The following NECTIN2 variants were observed in gnomAD, a reference collection of about 807,000 sequenced individuals.
NECTIN2 encodes the protein nectin cell adhesion molecule 2.
NECTIN2 carries 23 observed loss-of-function variants against 56.9 expected under a neutral mutation model. The ratio of observed to expected loss-of-function variants is 0.40; its 90% CI spans 0.29 to 0.57. The LOEUF is 0.57. Ranked by LOEUF, NECTIN2 falls within the 20% of genes least tolerant of loss-of-function variation. The probability of loss-of-function intolerance (pLI) is 0.38; values close to 1 mark genes in which losing one functional copy is unlikely to be tolerated. For missense variants in NECTIN2, 587 were observed against 718.3 expected, an observed-to-expected ratio of 0.82 and a Z score of 2.09; for synonymous variants, 302 against 313.8, an observed-to-expected ratio of 0.96 and a Z score of 0.40.
chr19:44,859,811 C>G (rs1482109004), intron 1 of NECTIN2, among the ~76,000 whole-genome samples: 1 of 142,630 alleles, frequency 7.0e-6, no homozygotes, highest in Admixed American at 7.2e-5. Flanking sequence ...GGTGACAGAG[C>G]AAGACTCCGT....
At position 44,874,114 on chromosome 19, in the gene NECTIN2, G is replaced by C. The variant is rs577332499; in HGVS notation, c.893+81G>C. On this transcript the variant is annotated intron_variant, in intron 4 of 8. Transcript: ENST00000252483. This position sits in a 1 kb window ranked among gnomAD's most constrained non-coding sequence, Gnocchi z 6.3. ...GACTCCTGGATCTAAGGGAGGAGGG[G>C]CTGGGGGCCTGGACTCCTGGATCTG... is the stretch of plus-strand genomic sequence containing the variant. 1.5e-6 allele frequency: 2 copies of C among 1,299,312 alleles called. No individual in the cohort carries two copies. Among genetic ancestry groups the C allele is most frequent in the Non-Finnish European group, 2.1e-6 (2 of 931,202 alleles). 80.5% of individuals were successfully genotyped at this position (1,299,312 alleles called of 1,614,324 possible).
chr19:44,855,424 CA>C (rs199593952), intron 1 of NECTIN2, among the ~76,000 whole-genome samples: 13 of 145,054 alleles, frequency 9.0e-5, no homozygotes, highest in African/African-American at 7.6e-5. Flanking sequence ...GAATCTGTCT[CA>C]AAAAAAAAAG....
At chr19:44,871,082 T>C (rs1969169073) in intron 2 of NECTIN2, among the ~76,000 whole-genome samples, 1 of 152,054 alleles carries the variant, frequency 6.6e-6, no homozygotes. Flanking sequence ...GCCAGACTGG[T>C]CTCAAATTCC....
intron 1 of NECTIN2, among the ~76,000 whole-genome samples, chr19:44,847,647 C>A (rs1158684834): frequency 6.6e-6 from 1 of 152,190 alleles, no homozygotes; most frequent in Non-Finnish European, 1.5e-5. Context: ...TCCTCCCTTT[C>A]CCTATGAATG....
At chr19:44,871,526 T>C (rs532160121) in intron 2 of NECTIN2, among the ~76,000 whole-genome samples, 1 of 152,066 alleles carries the variant, frequency 6.6e-6, no homozygotes, top group African/African-American at 2.4e-5. Flanking sequence ...GGCCCCTGTC[T>C]CTAAAAAATA....
At position 44,865,542 on chromosome 19, in the gene NECTIN2, C is replaced by G. The variant is rs367870642; in HGVS notation, c.360C>G (p.Leu120=). The G allele has an allele frequency of 1.0e-5, 16 of 1,574,932 alleles. No individual in the cohort carries two copies. In the African/African-American group the frequency reaches 1.5e-4, roughly 15 times the overall value. ...QSTGQDTEAE[L]QDATLALHGL... is the part of the protein sequence containing the mutation. ...CTGGGCAAGACACAGAGGCAGAGCTCCAGGACGCCACGCTGGCCCTCCACG... is the reference window on the plus strand; with the variant it reads ...CTGGGCAAGACACAGAGGCAGAGCTGCAGGACGCCACGCTGGCCCTCCACG... The change falls in exon 2 of 9, where the codon CTC becomes CTG. Residue 120 remains leucine, a synonymous_variant. Coordinates refer to ENST00000252483, the MANE Select transcript of NECTIN2 (RefSeq NM_001042724.2). The surrounding 1 kb of genome is among the most constrained non-coding windows in gnomAD (Gnocchi z 5.2).
At chr19:44,857,588 G>C (rs572500806) in intron 1 of NECTIN2, among the ~76,000 whole-genome samples, 134 of 152,206 alleles carry the variant, frequency 8.8e-4, no homozygotes, top group Admixed American at 1.6e-3. Context: ...TTTTAGTAGA[G>C]ATGGGATTTC....
At chr19:44,853,738 C>T (rs112668175) in intron 1 of NECTIN2, among the ~76,000 whole-genome samples, 7,383 of 151,910 alleles carry the variant, frequency 0.049, 361 homozygotes, top group African/African-American at 0.13. Context: ...CCGCCCTCCT[C>T]GGCCTCCCAA....
chr19:44,885,457 G>A (rs746035717), intron 6 of NECTIN2, among the ~76,000 whole-genome samples: 8 of 151,636 alleles, frequency 5.3e-5, no homozygotes, highest in Admixed American at 4.6e-4. Context: ...GATTACAGGC[G>A]TGCACCATCA....
chr19:44,887,241 C>T (rs1969370892), intron 8 of NECTIN2, among the ~76,000 whole-genome samples: 1 of 152,006 alleles, frequency 6.6e-6, no homozygotes. Context: ...CCCAGCTATT[C>T]AGGAGGCTGA....
At chr19:44,862,658 G>A (rs1183846025) in intron 1 of NECTIN2, among the ~76,000 whole-genome samples, 6 of 151,978 alleles carry the variant, frequency 3.9e-5, no homozygotes, top group African/African-American at 1.4e-4. Context: ...CACAAAGATT[G>A]GAATAATGGA....
chr19:44,879,447 T>A (rs935778834), intron 5 of NECTIN2, among the ~76,000 whole-genome samples: 1 of 151,904 alleles, frequency 6.6e-6, no homozygotes, highest in Non-Finnish European at 1.5e-5. Context: ...CCACTCCCAT[T>A]CTTAGGGGCC....
At chr19:44,878,127 C>G (rs1969261427) in intron 5 of NECTIN2, 2 of 589,878 alleles carry the variant, frequency 3.4e-6, no homozygotes, top group Admixed American at 6.0e-5. Flanking sequence ...CCCCGCCTAT[C>G]CTGCATCTCC....
chr19:44,878,891 C>G (rs2122702924), intron 5 of NECTIN2: 1 of 1,282,730 alleles, frequency 7.8e-7, no homozygotes, highest in East Asian at 3.1e-5. Context: ...CCAGCCTTCC[C>G]CTGGCCCCGT....
In NECTIN2 at chr19:44,874,522, C is replaced by T; in HGVS notation, c.1042+44C>T. On this transcript the variant is annotated intron_variant, in intron 5 of 8. Coordinates refer to ENST00000252483, the MANE Select transcript of NECTIN2 (RefSeq NM_001042724.2). The surrounding 1 kb of genome is among the most constrained non-coding windows in gnomAD (Gnocchi z 6.3). ...CCGTGTGTGGAGACCTGGGTCCGCT[C>T]CCCTGGAGTTCTGCCCTTCAGGACT... 1 of 1,605,214 alleles carries T rather than the reference C, an allele frequency of 6.2e-7. No homozygotes were observed. The highest frequency in any genetic ancestry group is 1.1e-5 in the South Asian group (1 of 90,890).
intron 1 of NECTIN2, among the ~76,000 whole-genome samples, chr19:44,860,731 G>A (rs1969022345): frequency 6.6e-6 from 1 of 151,640 alleles, no homozygotes; most frequent in East Asian, 1.9e-4. Flanking sequence ...CCGCCTCCTG[G>A]GTTCAAGTGA....
chr19:44,868,929 G>C, intron 2 of NECTIN2, among the ~76,000 whole-genome samples: 1 of 140,252 alleles, frequency 7.1e-6, no homozygotes, highest in Admixed American at 7.5e-5. Flanking sequence ...AAAAAAATAT[G>C]TTGGAAGTCC....
At chr19:44,858,597 T>G (rs568062210) in intron 1 of NECTIN2, among the ~76,000 whole-genome samples, 1 of 152,192 alleles carries the variant, frequency 6.6e-6, no homozygotes, top group Non-Finnish European at 1.5e-5. Context: ...GTGCTGGGAT[T>G]ACAGGCATGA....
rs61623692 is a variant in NECTIN2, at chr19:44,858,438, T to C, written c.89-6833T>C. Among the ~76,000 whole-genome samples, 736 of 152,002 alleles carry C rather than the reference T, an allele frequency of 4.8e-3. 6 individuals are homozygous for C. The highest frequency in any genetic ancestry group is 0.017 in the African/African-American group (699 of 41,438). ...TCTGGGTTCAAGTGATTCCCCTTCC[T>C]CAGCCTCCCAAGTAGCTGGGAATAC... On this transcript the variant is annotated intron_variant, in intron 1 of 8. Coordinates refer to ENST00000252483, the MANE Select transcript of NECTIN2 (RefSeq NM_001042724.2).
Sources: gnomAD v4.1 joint callset for allele counts (sites outside exome capture counted in the v4.1 genomes callset) on GRCh38, gnomAD v4.1.1 for gene constraint, Gnocchi (gnomAD v3.1) non-coding constraint, MANE v1.5 for transcripts, NCBI Gene and HGNC (gene_info 2026-07-23, HGNC 2026-07-21) for gene names.